Variants in DNAH6 observed in about 807,000 individuals in gnomAD.
DNAH6 encodes axonemal beta dynein heavy chain 6.
In DNAH6, 340 loss-of-function variants were observed where a neutral mutation model predicts 491.4. The ratio of observed to expected loss-of-function variants is 0.69; its 90% CI spans 0.63 to 0.76. The LOEUF is 0.76. Ranked by LOEUF, DNAH6 falls within the 30% of genes least tolerant of loss-of-function variation. The pLI, the probability that DNAH6 is intolerant of heterozygous loss-of-function variation, is 0.00. For missense variants in DNAH6, 4,443 were observed against 4,972.2 expected (o/e 0.89, Z 3.20); for synonymous variants, 1,603 against 1,686.1 (o/e 0.95, Z 1.21).
At chr2:84,591,681 A>G (rs1684131581) in intron 16 of DNAH6, among the ~76,000 whole-genome samples, 1 of 152,182 alleles carries the variant, frequency 6.6e-6, no homozygotes, top group Non-Finnish European at 1.5e-5. Flanking sequence ...AAAAAAGCTA[A>G]AGGTCTCACA....
chr2:84,781,781 G>A (rs1676726453), intron 65 of DNAH6, 128 bp downstream of exon 65: 1 of 1,193,922 alleles, frequency 8.4e-7, no homozygotes, highest in Admixed American at 3.0e-5. Context: ...GGAGAAATTT[G>A]AGGCCTAGAC....
At chr2:84,766,574 C>T (rs1350312821) in intron 64 of DNAH6, among the ~76,000 whole-genome samples, 1 of 152,024 alleles carries the variant, frequency 6.6e-6, no homozygotes, top group East Asian at 1.9e-4. Flanking sequence ...CCAGTAATAA[C>T]AAACTAAGGA....
At chr2:84,570,383 A>G (rs986151715) in intron 11 of DNAH6, among the ~76,000 whole-genome samples, 1 of 152,172 alleles carries the variant, frequency 6.6e-6, no homozygotes, top group Non-Finnish European at 1.5e-5. Context: ...AGGATTGTAA[A>G]TGCCCCAATC....
chr2:84,588,064 C>T (rs1268890754), intron 15 of DNAH6, among the ~76,000 whole-genome samples: 2 of 152,236 alleles, frequency 1.3e-5, no homozygotes, highest in Non-Finnish European at 2.9e-5. Flanking sequence ...ACAGTTCCCA[C>T]TACCAGAATC....
chr2:84,707,570 ACAG>A lies in DNAH6; in HGVS notation c.8908_8910del (p.Ala2970del). On this transcript the variant is annotated inframe_deletion, in exon 54 of 77. Transcript: ENST00000389394. Reference sequence around the variant, plus strand: ...ACGTCTAGTACGTGCTGGAAAGCTGACAGCAGCATTAGAAGATGAGCAGGTTCG... The same window carrying A: ...ACGTCTAGTACGTGCTGGAAAGCTGACAGCATTAGAAGATGAGCAGGTTCG... The A allele has an allele frequency of 6.4e-7, 1 of 1,552,064 alleles. No individual in the cohort carries two copies. The highest frequency in any genetic ancestry group is 8.7e-7 in the Non-Finnish European group (1 of 1,147,062).
chr2:84,648,335 G>A (rs1690095117), intron 33 of DNAH6, among the ~76,000 whole-genome samples: 3 of 152,244 alleles, frequency 2.0e-5, no homozygotes, highest in Admixed American at 2.0e-4. Context: ...CATGGATCAA[G>A]GAGTACTTTC....
rs367739383 is a variant in DNAH6, at chr2:84,813,992, G to A, written c.12020G>A (p.Arg4007Gln). The A allele has an allele frequency of 1.0e-5, 16 of 1,551,542 alleles. No homozygotes were observed. Among genetic ancestry groups the A allele is most frequent in the Admixed American group, 3.9e-5 (2 of 50,984 alleles). The part of the protein sequence containing the change: ...FLTGTLQNHA[R>Q]KYNLPIDELS... ...ACAGGAACTCTTCAAAATCATGCTC[G>A]AAAATACAATTTGCCTATAGATGAG... The change falls in exon 75 of 77, where the codon CGA becomes CAA. Residue 4007 changes from arginine (R) to glutamine (Q), a missense_variant. By Grantham distance (43) the Arg-to-Gln change is conservative. Around this residue, in one of 3 missense-constraint regions of DNAH6, gnomAD observed 1,463 missense variants for 1,656.6 expected, o/e 0.88. Transcript: ENST00000389394.
intron 72 of DNAH6, among the ~76,000 whole-genome samples, chr2:84,809,129 T>C (rs1679719841): frequency 6.6e-6 from 1 of 152,264 alleles, no homozygotes; most frequent in African/African-American, 2.4e-5. Context: ...TGTTCATAGA[T>C]ACTTTCTCTC....
intron 15 of DNAH6, chr2:84,584,726 G>A (rs1573106528): frequency 1.3e-5 from 2 of 154,330 alleles, no homozygotes; most frequent in East Asian, 1.9e-4. Flanking sequence ...ACATTTTACA[G>A]CTATTGTCAC....
intron 74 of DNAH6, among the ~76,000 whole-genome samples, chr2:84,813,603 A>G (rs1573888995): frequency 6.6e-6 from 1 of 152,178 alleles, no homozygotes; most frequent in South Asian, 2.1e-4. Context: ...CATCTCTCTC[A>G]TTCTTAATAC....
chr2:84,516,059 T>G (rs1291928888), upstream of DNAH6, among the ~76,000 whole-genome samples: 1 of 151,976 alleles, frequency 6.6e-6, no homozygotes, highest in Non-Finnish European at 1.5e-5. Flanking sequence ...CCTTGGAGAG[T>G]GGGACCTCAT....
chr2:84,786,383 C>T (rs907442675), intron 67 of DNAH6, among the ~76,000 whole-genome samples: 2 of 149,768 alleles, frequency 1.3e-5, no homozygotes, highest in African/African-American at 4.9e-5. Context: ...AGTGATTGTG[C>T]CACTGCACTC....
chr2:84,545,182 A>G (rs978642374), intron 5 of DNAH6, among the ~76,000 whole-genome samples: 1 of 152,144 alleles, frequency 6.6e-6, no homozygotes, highest in African/African-American at 2.4e-5. Flanking sequence ...GCTTTTTACT[A>G]GTCATTTCCT....
intron 10 of DNAH6, among the ~76,000 whole-genome samples, chr2:84,554,834 A>G (rs912396325): frequency 2.0e-5 from 3 of 152,210 alleles, no homozygotes; most frequent in Non-Finnish European, 2.9e-5. Flanking sequence ...CAGACTGCAG[A>G]TGACAAAAGG....
At chr2:84,710,789 A>AT (rs1357804238) in intron 56 of DNAH6, among the ~76,000 whole-genome samples, 1 of 151,912 alleles carries the variant, frequency 6.6e-6, no homozygotes, top group Non-Finnish European at 1.5e-5. Flanking sequence ...TACAAACATT[A>AT]TTTTTTACTT....
At chr2:84,812,021 CT>C (rs1680034415) in intron 72 of DNAH6, among the ~76,000 whole-genome samples, 1 of 152,150 alleles carries the variant, frequency 6.6e-6, no homozygotes, top group African/African-American at 2.4e-5. Context: ...GCCTATTTTT[CT>C]TTTGGCCTGG....
chr2:84,711,802 G>A (rs575830017), intron 56 of DNAH6, among the ~76,000 whole-genome samples: 8 of 152,246 alleles, frequency 5.3e-5, no homozygotes, highest in Non-Finnish European at 1.2e-4. Context: ...GGGTGATTCT[G>A]TAATGGATCC....
chr2:84,533,864 A>AGTC (rs1677417570), intron 4 of DNAH6, among the ~76,000 whole-genome samples: 1 of 152,136 alleles, frequency 6.6e-6, no homozygotes, highest in African/African-American at 2.4e-5. Flanking sequence ...AGAGGTCCAG[A>AGTC]ACTATGTGAC....
At chr2:84,632,478 A>T (rs1688499950) in intron 29 of DNAH6, among the ~76,000 whole-genome samples, 1 of 152,216 alleles carries the variant, frequency 6.6e-6, no homozygotes, top group Non-Finnish European at 1.5e-5. Flanking sequence ...AAAGAGAAAA[A>T]TATTAGCAAA....
Sources: gnomAD v4.1 joint callset for allele counts (sites outside exome capture counted in the v4.1 genomes callset) on GRCh38, gnomAD v4.1.1 for gene constraint, gnomAD v4.1.1 regional missense constraint, MANE v1.5 for transcripts, NCBI Gene and HGNC (gene_info 2026-07-23, HGNC 2026-07-21) for gene names.